The following SELPLG variants were observed in gnomAD, a reference collection of about 807,000 sequenced individuals.
SELPLG encodes selectin P ligand.
In SELPLG, 2 loss-of-function variants were observed where a neutral mutation model predicts 1.1. The observed-to-expected ratio is 1.82, with a 90% CI of 0.74 to 5.71. The LOEUF (loss-of-function observed/expected upper bound fraction) is 5.71. Ranked by LOEUF, SELPLG falls within the 30% of genes most tolerant of loss-of-function variation. The probability of loss-of-function intolerance (pLI) is 0.05; values close to 1 mark genes in which losing one functional copy is unlikely to be tolerated. For missense variants in SELPLG, 478 were observed against 524.7 expected, an observed-to-expected ratio of 0.91 and a Z score of 0.87; for synonymous variants, 230 against 221.2, an observed-to-expected ratio of 1.04 and a Z score of -0.35.
At chr12:108,630,500 A>G (rs962144861) in intron 1 of SELPLG, among the ~76,000 whole-genome samples, 5 of 152,168 alleles carry the variant, frequency 3.3e-5, no homozygotes, top group African/African-American at 1.2e-4. Flanking sequence ...GACCCCAGAT[A>G]ACTGAGGCAC....
Position 108,623,379 on chromosome 12 carries a change from C to G in SELPLG, c.929G>C (p.Gly310Ala). The G allele has an allele frequency of 6.2e-7, 1 of 1,614,228 alleles. No homozygotes were observed. Among genetic ancestry groups the G allele is most frequent in the Non-Finnish European group, 8.5e-7 (1 of 1,180,034 alleles). Reference sequence around the variant, plus strand: ...CTTCACAGAGATGTGGTCTGGGGCCCCCACTGGGTAGTTGACGGACAAATT... The same window carrying G: ...CTTCACAGAGATGTGGTCTGGGGCCGCCACTGGGTAGTTGACGGACAAATT... ...ASNLSVNYPV[G>A]APDHISVKQC... Residue 310 changes from glycine (G) to alanine (A), a missense_variant, in exon 2 of 2, where the codon GGG (glycine) becomes GCG (alanine). Gly to Ala is a moderately conservative substitution (Grantham distance 60). Coordinates refer to ENST00000550948, the MANE Select transcript of SELPLG (RefSeq NM_003006.4).
In SELPLG at chr12:108,621,992, T is replaced by C. The variant is rs371915948; in HGVS notation, c.*1077A>G. Among the ~76,000 whole-genome samples, 147 of 151,972 alleles carry C rather than the reference T, an allele frequency of 9.7e-4. No individual in the cohort carries two copies. The South Asian group carries it at 0.013, about 14-fold the overall frequency. The stretch of plus-strand genomic sequence containing the variant: ...AACTCTGTGGGCCAAAACTGGGTAA[T>C]GGAGGAAGTGGAATAAAGTGGTCAC... On this transcript the variant is annotated 3_prime_UTR_variant, in exon 2 of 2. Transcript: ENST00000550948.
chr12:108,628,317 T>C (rs565740958), intron 1 of SELPLG, among the ~76,000 whole-genome samples: 344 of 84,508 alleles, frequency 4.1e-3, no homozygotes, highest in African/African-American at 0.02. Flanking sequence ...TTAATAAATG[T>C]AACACACACA....
rs551978676 is a variant in SELPLG at position 108,630,897 on chromosome 12, G to A, written c.-6+2843C>T. ...GAACCACAGCTGTCTTGCTGATCAG[G>A]CCACAGGCCCAGGATTCAGCCGATG... On this transcript the variant is annotated intron_variant, in intron 1 of 1. Transcript: ENST00000550948. Among the ~76,000 whole-genome samples the A allele has an allele frequency of 5.9e-5, 9 of 152,300 alleles. No homozygotes were observed. In the South Asian group the frequency reaches 1.7e-3, roughly 28 times the overall value.
Position 108,624,163 on chromosome 12 carries a change from G to A in SELPLG, c.145C>T (p.Leu49=), listed in dbSNP as rs764993825. The A allele has an allele frequency of 3.7e-6, 6 of 1,614,184 alleles. No homozygotes were observed. In the East Asian group the frequency reaches 1.1e-4, roughly 30 times the overall value. Residue 49 remains leucine (L), a synonymous_variant, in exon 2 of 2, where the codon CTA becomes TTA. Transcript: ENST00000550948. ...GTTTCTGGCAGGAAATCATAATCTA[G>A]GTACTCATATTCGGTGGCCTGTCTC... is the stretch of plus-strand genomic sequence containing the variant. ...DRRQATEYEY[L]DYDFLPETEP... is the part of the protein sequence containing the mutation.
At chr12:108,627,280 G>A (rs1189816408) in intron 1 of SELPLG, among the ~76,000 whole-genome samples, 1 of 152,182 alleles carries the variant, frequency 6.6e-6, no homozygotes, top group African/African-American at 2.4e-5. Flanking sequence ...ACCCAGTGAG[G>A]TTCAGGAAGG....
Position 108,622,962 on chromosome 12 carries a change from G to A in SELPLG, c.*107C>T. 1 of 1,204,044 alleles carries A rather than the reference G, an allele frequency of 8.3e-7. No homozygotes were observed. The highest frequency in any genetic ancestry group is 1.8e-5 in the South Asian group (1 of 55,712). The allele number at this position is 1,204,044 out of a possible 1,614,324, so 74.6% of individuals were successfully genotyped here. On this transcript the variant is annotated 3_prime_UTR_variant, in exon 2 of 2. Coordinates refer to ENST00000550948, the MANE Select transcript of SELPLG (RefSeq NM_003006.4). ...CCTTCCCTGAAGATCCCCATCCCCA[G>A]GGGTCTCCGAGGAAGCCCAGAGCTG...
intron 1 of SELPLG, chr12:108,631,964 G>A: frequency 1.3e-6 from 2 of 1,533,082 alleles, no homozygotes; most frequent in South Asian, 2.4e-5. Flanking sequence ...CGAACTCCAT[G>A]GGCATCCTGC....
rs1317987564 is a variant in SELPLG at position 108,624,287 on chromosome 12, CAGG to C, written c.18_20del (p.Leu9del). 3.1e-6 allele frequency: 5 copies of C among 1,613,938 alleles called. No homozygotes were observed. In the Admixed American group the frequency reaches 5.0e-5, roughly 16 times the overall value. ...TGCCAGGGCCCAGTAGGATCAGCAACAGGAGGAGTTGCAGAGGCATGGCACCTA... is the reference window on the plus strand; with the variant it reads ...TGCCAGGGCCCAGTAGGATCAGCAACAGGAGTTGCAGAGGCATGGCACCTA... On this transcript the variant is annotated inframe_deletion, in exon 2 of 2. Transcript: ENST00000550948.
chr12:108,627,201 T>A (rs1319211149), intron 1 of SELPLG, among the ~76,000 whole-genome samples: 1 of 152,166 alleles, frequency 6.6e-6, no homozygotes, highest in East Asian at 1.9e-4. Flanking sequence ...AGGACCACAC[T>A]GAGGTTAAGA....
In SELPLG at chr12:108,623,116, C is replaced by A; in HGVS notation, c.1192G>T (p.Glu398Ter). 1 of 1,573,942 alleles carries A rather than the reference C, an allele frequency of 6.4e-7. No individual in the cohort carries two copies. The highest frequency in any genetic ancestry group is 2.3e-5 in the East Asian group (1 of 44,296). ...KSPGLTPEPREDREGDDLTLH... is the reference protein window; with the variant it reads ...KSPGLTPEPR ...GTGAGGTCATCCCCCTCACGGTCCT[C>A]CCTGGGCTCTGGCGTCAGGCCCGGG... The change falls in exon 2 of 2, where the codon GAG becomes TAG. Residue 398 changes from glutamate (E) to a stop codon, truncating the protein, a stop_gained. Transcript: ENST00000550948. LOFTEE classifies it high-confidence loss of function.
rs371325293 is a variant in SELPLG at position 108,623,561 on chromosome 12, C to T, written c.747G>A (p.Thr249=). The T allele has an allele frequency of 1.8e-5, 29 of 1,613,580 alleles. No individual in the cohort carries two copies. Among genetic ancestry groups the T allele is most frequent in the Admixed American group, 6.7e-5 (4 of 59,960 alleles). ...CTGCCAGTGGAGTGGTCTGTGCCTC[C>T]GTGGCTGTGGGTTGAGTGGTCTGTG... ...TEAQTTQPTA[T]EAQTTPLAAM... Residue 249 remains threonine (T), a synonymous_variant, in exon 2 of 2, where the codon ACG becomes ACA. Transcript: ENST00000550948.
intron 1 of SELPLG, among the ~76,000 whole-genome samples, chr12:108,627,592 CAG>C (rs1011343298): frequency 1.4e-4 from 22 of 152,306 alleles, no homozygotes; most frequent in African/African-American, 5.1e-4. Context: ...GGATAAGAAA[CAG>C]TGCCCATCTC....
Position 108,622,951 on chromosome 12 carries a change from C to G in SELPLG, c.*118G>C. 4.5e-6 allele frequency: 5 copies of G among 1,104,916 alleles called. No individual in the cohort carries two copies. Among genetic ancestry groups the G allele is most frequent in the Non-Finnish European group, 6.2e-6 (5 of 810,108 alleles). The allele number at this position is 1,104,916 out of a possible 1,614,324, so 68.4% of individuals were successfully genotyped here. A position where few individuals can be genotyped will look rare whatever the true frequency, so the allele number is the denominator to read the frequency against. On this transcript the variant is annotated 3_prime_UTR_variant, in exon 2 of 2. Transcript: ENST00000550948. The stretch of plus-strand genomic sequence containing the variant: ...TGGCCAGAGTTCCTTCCCTGAAGAT[C>G]CCCATCCCCAGGGGTCTCCGAGGAA...
Position 108,623,698 on chromosome 12 carries a change from T to A in SELPLG, c.610A>T (p.Thr204Ser). ...TAPAAMEAQT[T>S]APAAMEAQTT... ...TGTGCTTCCATGGCTGCTGGTGCAG[T>A]GGTCTGTGCCTCCATGGCTGCTGGT... is the stretch of plus-strand genomic sequence containing the variant. The change falls in exon 2 of 2, where the codon ACT (threonine) becomes TCT (serine). Residue 204 changes from threonine to serine, a missense_variant. Transcript: ENST00000550948. 6.2e-7 allele frequency: 1 copy of A among 1,603,002 alleles called. No individual in the cohort carries two copies. Among genetic ancestry groups the A allele is most frequent in the Non-Finnish European group, 8.5e-7 (1 of 1,175,866 alleles).
chr12:108,631,776 G>T (rs2032058762), intron 1 of SELPLG: 3 of 1,022,314 alleles, frequency 2.9e-6, no homozygotes, highest in Non-Finnish European at 4.4e-6. Context: ...CTGGTTAGTT[G>T]AACAACTGTC....
intron 1 of SELPLG, among the ~76,000 whole-genome samples, chr12:108,632,746 G>A (rs992684892): frequency 2.0e-5 from 3 of 152,042 alleles, no homozygotes; most frequent in Admixed American, 6.6e-5. Flanking sequence ...GAACTCCTGA[G>A]CTCAGGCCAA....
In SELPLG at chr12:108,623,967, G is replaced by A. The variant is rs924579404; in HGVS notation, c.341C>T (p.Thr114Met). ...TELANMGNLS[T>M]DSAAMEIQTT... Reference sequence around the variant, plus strand: ...CTGTATCTCCATAGCTGCTGAATCCGTGGACAGGTTCCCCATGTTGGCCAG... The same window carrying A: ...CTGTATCTCCATAGCTGCTGAATCCATGGACAGGTTCCCCATGTTGGCCAG... Residue 114 changes from threonine (T) to methionine (M), a missense_variant, in exon 2 of 2, where the codon ACG (threonine) becomes ATG (methionine). Physicochemically the swap from Thr to Met is moderately conservative, Grantham distance 81. Transcript: ENST00000550948. The A allele has an allele frequency of 1.5e-5, 25 of 1,614,078 alleles. No homozygotes were observed. The highest frequency in any genetic ancestry group is 2.2e-5 in the East Asian group (1 of 44,902).
At chr12:108,627,722 G>C (rs1023621317) in intron 1 of SELPLG, among the ~76,000 whole-genome samples, 2 of 152,190 alleles carry the variant, frequency 1.3e-5, no homozygotes, top group Admixed American at 6.5e-5. Context: ...CAGATCACTT[G>C]AGCCCATGAG....
Sources: allele counts gnomAD v4.1 joint callset (sites outside exome capture counted in the v4.1 genomes callset), GRCh38; gene constraint gnomAD v4.1.1; transcripts MANE v1.5; gene names NCBI Gene and HGNC (gene_info 2026-07-23, HGNC 2026-07-21).